The following THSD7A variants were observed in gnomAD, a reference collection of about 807,000 sequenced individuals.
THSD7A encodes the protein thrombospondin type-1 domain-containing protein 7A.
In THSD7A, 96 loss-of-function variants were observed where a neutral mutation model predicts 231.3. The observed-to-expected ratio is 0.41, with a 90% CI of 0.35 to 0.49. THSD7A has a LOEUF of 0.49. Ranked by LOEUF, THSD7A falls within the 20% of genes least tolerant of loss-of-function variation. THSD7A has a pLI of 0.05. For missense variants in THSD7A, 2,290 were observed against 2,070.2 expected (o/e 1.11, Z -2.06); for synonymous variants, 940 against 743.3 (o/e 1.26, Z -4.30).
At chr7:11,772,447 C>CA (rs1159641366) in intron 1 of THSD7A, among the ~76,000 whole-genome samples, 9 of 152,144 alleles carry the variant, frequency 5.9e-5, no homozygotes, top group African/African-American at 1.9e-4. Flanking sequence ...GCACTATTCA[C>CA]AATAACAAAG....
rs1785184197 is a variant in THSD7A at position 11,831,281 on chromosome 7, G to A, written c.190+476C>T. Among the ~76,000 whole-genome samples the A allele has an allele frequency of 1.3e-5, 2 of 152,116 alleles. No homozygotes were observed. Among genetic ancestry groups the A allele is most frequent in the African/African-American group, 2.4e-5 (1 of 41,416 alleles). On this transcript the variant is annotated intron_variant, in intron 1 of 27. Transcript: ENST00000423059. This position sits in a 1 kb window ranked among gnomAD's most constrained non-coding sequence, Gnocchi z 5.0. ...CCATTTGCCTTTAATTGTTGGAACCGCCCTCACTTGGCTTGTTTCTGAGGT... is the reference window on the plus strand; with the variant it reads ...CCATTTGCCTTTAATTGTTGGAACCACCCTCACTTGGCTTGTTTCTGAGGT...
intron 6 of THSD7A, among the ~76,000 whole-genome samples, chr7:11,484,009 C>A (rs1165569779): frequency 6.6e-6 from 1 of 151,786 alleles, no homozygotes; most frequent in Non-Finnish European, 1.5e-5. Context: ...TTTCCGCACT[C>A]CCCCTGCCCC....
At chr7:11,550,359 A>T (rs971131376) in intron 4 of THSD7A, among the ~76,000 whole-genome samples, 1 of 152,138 alleles carries the variant, frequency 6.6e-6, no homozygotes, top group Admixed American at 6.5e-5. Context: ...ATGGAAAAAC[A>T]TTCTATGCTC....
At chr7:11,587,714 T>C (rs1026172875) in intron 4 of THSD7A, among the ~76,000 whole-genome samples, 2 of 152,194 alleles carry the variant, frequency 1.3e-5, no homozygotes, top group Non-Finnish European at 2.9e-5. Context: ...TGTCACTTAG[T>C]AGTACAGAAT....
intron 7 of THSD7A, among the ~76,000 whole-genome samples, chr7:11,480,927 CAAAG>C (rs775772428): frequency 3.3e-5 from 5 of 151,828 alleles, no homozygotes; most frequent in Non-Finnish European, 7.4e-5. Context: ...TAAATGTGAA[CAAAG>C]AGTCATTTAG....
chr7:11,792,635 G>C (rs1390531368), intron 1 of THSD7A, among the ~76,000 whole-genome samples: 1 of 151,892 alleles, frequency 6.6e-6, no homozygotes, highest in Non-Finnish European at 1.5e-5. Context: ...AAATGATGAA[G>C]ATGTAATTCC....
chr7:11,435,642 C>T (rs1279566942), intron 13 of THSD7A, among the ~76,000 whole-genome samples: 1 of 151,862 alleles, frequency 6.6e-6, no homozygotes, highest in Non-Finnish European at 1.5e-5. Flanking sequence ...ATTATGGATG[C>T]CTCATGTTTC....
At position 11,735,728 on chromosome 7, in the gene THSD7A, A is replaced by G. The variant is rs187693971; in HGVS notation, c.190+96029T>C. On this transcript the variant is annotated intron_variant, in intron 1 of 27. Transcript: ENST00000423059. ...TAAATGTGTAAGAAACAAAAGTTGA[A>G]ACAGTCTAATATAATGCTAAAATTG... Among the ~76,000 whole-genome samples, 156 of 152,092 alleles carry G rather than the reference A, an allele frequency of 1.0e-3. 3 individuals carry two copies. The highest frequency in any genetic ancestry group is 0.01 in the Middle Eastern group (3 of 294).
chr7:11,489,617 C>T (rs892771012), intron 6 of THSD7A, among the ~76,000 whole-genome samples: 1 of 152,012 alleles, frequency 6.6e-6, no homozygotes, highest in Non-Finnish European at 1.5e-5. Context: ...CACAGATGGA[C>T]TAATCATAGA....
At position 11,438,256 on chromosome 7, in the gene THSD7A, G is replaced by A. The variant is rs116149248; in HGVS notation, c.3064+7805C>T. 8.5e-3 allele frequency among the ~76,000 whole-genome samples: 1,296 copies of A among 152,074 alleles called. 20 individuals carry two copies. The highest frequency in any genetic ancestry group is 0.03 in the African/African-American group (1,239 of 41,524). On this transcript the variant is annotated intron_variant, in intron 13 of 27. Coordinates refer to ENST00000423059, the MANE Select transcript of THSD7A (RefSeq NM_015204.3). Reference sequence around the variant, plus strand: ...ACTGCTTAGGCTATTAGGCAATAATGTTAAATGTTTCCACACAAGGATATA... The same window carrying A: ...ACTGCTTAGGCTATTAGGCAATAATATTAAATGTTTCCACACAAGGATATA...
chr7:11,611,419 T>C (rs1780916539), intron 2 of THSD7A, among the ~76,000 whole-genome samples: 1 of 151,848 alleles, frequency 6.6e-6, no homozygotes, highest in African/African-American at 2.4e-5. Context: ...GTGTACTAAT[T>C]CTAATATTAA....
intron 1 of THSD7A, among the ~76,000 whole-genome samples, chr7:11,778,431 T>C (rs1041935883): frequency 6.6e-6 from 1 of 152,154 alleles, no homozygotes; most frequent in Admixed American, 6.5e-5. Flanking sequence ...TTTTCATATA[T>C]ATTTTTAATG....
At chr7:11,464,395 C>T (rs1404509700) in intron 9 of THSD7A, among the ~76,000 whole-genome samples, 1 of 152,088 alleles carries the variant, frequency 6.6e-6, no homozygotes, top group Non-Finnish European at 1.5e-5. Context: ...ACAATGAGTT[C>T]AGCATTAGTG....
chr7:11,696,181 C>T (rs181063145), intron 1 of THSD7A, among the ~76,000 whole-genome samples: 1 of 151,146 alleles, frequency 6.6e-6, no homozygotes, highest in East Asian at 2.0e-4. Context: ...CTGTGTAGGG[C>T]AAAGCTCTAT....
chr7:11,757,482 C>G (rs546362327), intron 1 of THSD7A, among the ~76,000 whole-genome samples: 1 of 152,114 alleles, frequency 6.6e-6, no homozygotes, highest in African/African-American at 2.4e-5. Flanking sequence ...AAAAGAGAAG[C>G]AGTGAGGAAC....
chr7:11,598,749 G>A (rs915147517), intron 2 of THSD7A, among the ~76,000 whole-genome samples: 2 of 152,168 alleles, frequency 1.3e-5, no homozygotes, highest in Non-Finnish European at 2.9e-5. Flanking sequence ...GGATGTAGAA[G>A]TGGCTCCACT....
intron 1 of THSD7A, among the ~76,000 whole-genome samples, chr7:11,723,713 G>A (rs937715315): frequency 8.6e-5 from 13 of 151,826 alleles, no homozygotes; most frequent in African/African-American, 3.1e-4. Context: ...TCAGGGAAGA[G>A]CATTTCAATA....
chr7:11,805,705 GACAA>G (rs1479076581), intron 1 of THSD7A, among the ~76,000 whole-genome samples: 1 of 151,912 alleles, frequency 6.6e-6, no homozygotes, highest in Non-Finnish European at 1.5e-5. Context: ...TCAACTTTAA[GACAA>G]ATTTACAAAT....
At chr7:11,611,904 C>A (rs1247402018) in intron 2 of THSD7A, among the ~76,000 whole-genome samples, 2 of 149,996 alleles carry the variant, frequency 1.3e-5, no homozygotes, top group Non-Finnish European at 3.0e-5. Context: ...CTTTCCTGCT[C>A]CCCTGAAAGA....
Sources: allele counts gnomAD v4.1 joint callset (sites outside exome capture counted in the v4.1 genomes callset), GRCh38; gene constraint gnomAD v4.1.1; non-coding constraint Gnocchi (gnomAD v3.1); transcripts MANE v1.5; gene names NCBI Gene and HGNC (gene_info 2026-07-23, HGNC 2026-07-21).